ZC3H12B: variants seen among roughly 807,000 people sequenced by gnomAD.
ZC3H12B encodes zinc finger CCCH-type containing 12B, also known as probable ribonuclease ZC3H12B.
ZC3H12B carries 7 observed loss-of-function variants against 43.9 expected under a neutral mutation model. That is an observed-to-expected ratio of 0.16 (90% CI 0.09 to 0.30). The LOEUF (loss-of-function observed/expected upper bound fraction) is 0.30. ZC3H12B is among the 10% of genes least tolerant of loss of function. ZC3H12B has a pLI of 1.00. For synonymous variants in ZC3H12B, 222 were observed against 241.7 expected (o/e 0.92, Z 0.76); for missense variants, 475 against 670.2 (o/e 0.71, Z 3.22).
the ZC3H12B span, among the ~76,000 whole-genome samples, chrX:65,069,799 C>G: frequency 8.9e-6 from 1 of 112,012 alleles, no homozygotes; most frequent in Non-Finnish European, 1.9e-5. Flanking sequence ...GGGATGAAGC[C>G]TACTTGATCA....
chrX:65,206,338 G>T, the ZC3H12B span, among the ~76,000 whole-genome samples: 1 of 111,802 alleles, frequency 8.9e-6, no homozygotes, highest in Non-Finnish European at 1.9e-5. Flanking sequence ...GAACAGAATA[G>T]AGAACACAGA....
intron 2 of ZC3H12B, among the ~76,000 whole-genome samples, chrX:65,380,396 C>G (rs940467353): frequency 2.7e-5 from 3 of 111,258 alleles, no homozygotes; most frequent in African/African-American, 6.5e-5. Flanking sequence ...ACTTTACAGA[C>G]AAGCAAATGC....
the ZC3H12B span, among the ~76,000 whole-genome samples, chrX:65,212,580 GTA>G: frequency 1.3e-5 from 1 of 75,802 alleles, no homozygotes; most frequent in Non-Finnish European, 2.3e-5. Context: ...TAATTATACA[GTA>G]TATATTATAT....
chrX:65,147,998 G>T, the ZC3H12B span, among the ~76,000 whole-genome samples: 275 of 110,692 alleles, frequency 2.5e-3, 1 homozygote, highest in Non-Finnish European at 4.5e-3. Flanking sequence ...GGCTGGCCTG[G>T]AACCTGGGTC....
At chrX:65,264,131 G>A in the ZC3H12B span, among the ~76,000 whole-genome samples, 1 of 111,491 alleles carries the variant, frequency 9.0e-6, no homozygotes, top group African/African-American at 3.3e-5. Context: ...ATCCAGAGTG[G>A]TATAATGAAT....
chrX:65,294,700 A>C, the ZC3H12B span, among the ~76,000 whole-genome samples: 1 of 111,923 alleles, frequency 8.9e-6, no homozygotes, highest in East Asian at 2.8e-4. Context: ...AGGAGTAGCT[A>C]TTTTTATATC....
At chrX:65,194,308 T>A in the ZC3H12B span, among the ~76,000 whole-genome samples, 4 of 106,593 alleles carry the variant, frequency 3.8e-5, no homozygotes, top group Non-Finnish European at 7.7e-5. Context: ...GATGAGTTAA[T>A]GGGTGCAGCA....
At chrX:65,454,956 T>C (rs2067585330) in intron 3 of ZC3H12B, among the ~76,000 whole-genome samples, 1 of 111,773 alleles carries the variant, frequency 8.9e-6, no homozygotes, top group African/African-American at 3.3e-5. Flanking sequence ...AGAAAGGACA[T>C]CCACACCAAA....
At chrX:65,395,652 G>T (rs1308734523) in intron 2 of ZC3H12B, among the ~76,000 whole-genome samples, 3 of 111,455 alleles carry the variant, frequency 2.7e-5, no homozygotes, top group African/African-American at 9.8e-5. Context: ...TTTTTTTGTT[G>T]TTGTTGTGTC....
intron 3 of ZC3H12B, among the ~76,000 whole-genome samples, chrX:65,475,291 C>T (rs1238742067): frequency 8.9e-6 from 1 of 111,757 alleles, no homozygotes; most frequent in Admixed American, 9.5e-5. Flanking sequence ...GCATGTGTTT[C>T]TTTCAGTTTG....
chrX:65,289,994 A>G, the ZC3H12B span, among the ~76,000 whole-genome samples: 3 of 111,047 alleles, frequency 2.7e-5, no homozygotes, highest in Non-Finnish European at 3.8e-5. Flanking sequence ...CTTAAACTAA[A>G]AAGCTTCTAT....
intron 2 of ZC3H12B, among the ~76,000 whole-genome samples, chrX:65,387,484 A>G (rs1486102075): frequency 9.0e-6 from 1 of 110,788 alleles, no homozygotes; most frequent in African/African-American, 3.3e-5. Context: ...TCTGTTTTCC[A>G]TTTGCTTGGT....
At chrX:65,380,574 A>C (rs370142072) in intron 2 of ZC3H12B, among the ~76,000 whole-genome samples, 1 of 111,654 alleles carries the variant, frequency 9.0e-6, no homozygotes, top group East Asian at 2.8e-4. Context: ...ACCAGGTAAC[A>C]TCATAATGAC....
chrX:65,201,377 G>A, the ZC3H12B span, among the ~76,000 whole-genome samples: 6 of 111,392 alleles, frequency 5.4e-5, no homozygotes, highest in African/African-American at 9.8e-5. Context: ...TTGTTTTTCC[G>A]TGTGGTCAGT....
the ZC3H12B span, among the ~76,000 whole-genome samples, chrX:65,100,582 A>C: frequency 9.8e-6 from 1 of 102,063 alleles, no homozygotes; most frequent in East Asian, 3.0e-4. Context: ...AAAAAAAAAA[A>C]AAAAAAAAAA....
intron 3 of ZC3H12B, among the ~76,000 whole-genome samples, chrX:65,436,483 G>T (rs2148117912): frequency 8.9e-6 from 1 of 112,352 alleles, no homozygotes; most frequent in South Asian, 3.7e-4. Context: ...TCCTTCCTCA[G>T]CCCACCAATT....
the ZC3H12B span, among the ~76,000 whole-genome samples, chrX:65,205,237 C>G: frequency 9.0e-6 from 1 of 111,536 alleles, no homozygotes; most frequent in African/African-American, 3.3e-5. Flanking sequence ...TCCAGTTTCT[C>G]CCTTCTTTCA....
chrX:65,391,776 C>T (rs2066619581), intron 2 of ZC3H12B, among the ~76,000 whole-genome samples: 1 of 111,249 alleles, frequency 9.0e-6, no homozygotes, highest in Admixed American at 9.6e-5. Context: ...TCCCCCTCTC[C>T]CTCATCTCCG....
the ZC3H12B span, among the ~76,000 whole-genome samples, chrX:65,179,312 C>T: frequency 9.2e-5 from 10 of 109,125 alleles, no homozygotes; most frequent in Admixed American, 5.9e-4. Flanking sequence ...ATGTAGATGA[C>T]GGGTTGATGG....
Sources: allele counts gnomAD v4.1 joint callset (sites outside exome capture counted in the v4.1 genomes callset), GRCh38; gene constraint gnomAD v4.1.1; transcripts MANE v1.5; gene names NCBI Gene and HGNC (gene_info 2026-07-23, HGNC 2026-07-21).